Variants in CTNND2 observed in about 807,000 individuals in gnomAD.
CTNND2 encodes the protein catenin delta-2.
Under a neutral mutation model 144.4 loss-of-function variants are expected in CTNND2, and 22 were observed. That is an observed-to-expected ratio of 0.15 (90% CI 0.11 to 0.22). CTNND2 has a LOEUF of 0.22. Among genes scored for constraint, CTNND2 ranks in the 10% least tolerant of loss-of-function variants. CTNND2 has a pLI of 1.00. For missense variants in CTNND2, 1,353 were observed against 1,618.8 expected (o/e 0.84, Z 2.82); for synonymous variants, 751 against 695.6 (o/e 1.08, Z -1.25).
intron 2 of CTNND2, among the ~76,000 whole-genome samples, chr5:11,689,329 AATG>A (rs1346906569): frequency 6.6e-6 from 1 of 152,238 alleles, no homozygotes; most frequent in Non-Finnish European, 1.5e-5. Context: ...GAGTATTAAA[AATG>A]ATGAACTGTT....
At chr5:11,322,938 T>C (rs1463408250) in intron 9 of CTNND2, among the ~76,000 whole-genome samples, 3 of 152,106 alleles carry the variant, frequency 2.0e-5, no homozygotes, top group Admixed American at 6.5e-5. Context: ...AAAAGTAACA[T>C]GGTCTTTAGT....
At chr5:11,693,770 G>T (rs1785014122) in intron 2 of CTNND2, among the ~76,000 whole-genome samples, 1 of 152,166 alleles carries the variant, frequency 6.6e-6, no homozygotes, top group Non-Finnish European at 1.5e-5. Context: ...ATTGATTCTT[G>T]TTATGTGTGA....
intron 2 of CTNND2, among the ~76,000 whole-genome samples, chr5:11,707,163 G>A (rs910039868): frequency 1.3e-5 from 2 of 152,014 alleles, no homozygotes; most frequent in African/African-American, 2.4e-5. Context: ...CAGAAACACA[G>A]CACTTCTGAG....
chr5:11,217,247 T>C (rs186520519), intron 10 of CTNND2, among the ~76,000 whole-genome samples: 45 of 152,352 alleles, frequency 3.0e-4, no homozygotes, highest in African/African-American at 1.0e-3. Flanking sequence ...TCATTATAAC[T>C]AGCATCTTTT....
chr5:11,067,932 C>A (rs769982571), intron 16 of CTNND2, among the ~76,000 whole-genome samples: 6 of 152,050 alleles, frequency 3.9e-5, no homozygotes, highest in Non-Finnish European at 7.4e-5. Flanking sequence ...GTATTTGCAA[C>A]AATTTAAGCT....
chr5:11,240,880 CCA>C (rs533331955), intron 9 of CTNND2, among the ~76,000 whole-genome samples: 3 of 141,094 alleles, frequency 2.1e-5, no homozygotes, highest in African/African-American at 7.9e-5. Flanking sequence ...ACACCCCAAC[CCA>C]CACACACCCA....
intron 11 of CTNND2, among the ~76,000 whole-genome samples, chr5:11,181,007 T>A (rs1357108861): frequency 6.6e-6 from 1 of 151,936 alleles, no homozygotes; most frequent in Admixed American, 6.6e-5. Context: ...GCACTTGAGG[T>A]CTGGGATGTG....
intron 16 of CTNND2, among the ~76,000 whole-genome samples, chr5:11,075,644 C>T (rs947492670): frequency 2.6e-5 from 4 of 152,222 alleles, no homozygotes; most frequent in Admixed American, 1.3e-4. Flanking sequence ...TGCCACCACC[C>T]GGGGCAGCCA....
intron 9 of CTNND2, among the ~76,000 whole-genome samples, chr5:11,334,628 G>A (rs1478127415): frequency 2.6e-5 from 4 of 152,132 alleles, no homozygotes; most frequent in African/African-American, 4.8e-5. Flanking sequence ...TCTGAATTCC[G>A]AAAATGTTGG....
At chr5:11,806,885 G>A (rs1792033874) in intron 1 of CTNND2, among the ~76,000 whole-genome samples, 1 of 151,992 alleles carries the variant, frequency 6.6e-6, no homozygotes, top group Non-Finnish European at 1.5e-5. Context: ...CAAAACCATG[G>A]GCAGGGTTGA....
intron 9 of CTNND2, among the ~76,000 whole-genome samples, chr5:11,321,164 G>C (rs1483773264): frequency 6.6e-6 from 1 of 152,148 alleles, no homozygotes; most frequent in Non-Finnish European, 1.5e-5. Context: ...AATTAAAACA[G>C]TTTAAGTGAT....
intron 2 of CTNND2, among the ~76,000 whole-genome samples, chr5:11,711,998 T>C (rs1786060299): frequency 1.3e-5 from 2 of 152,204 alleles, no homozygotes; most frequent in African/African-American, 4.8e-5. Flanking sequence ...CTTCTAGTCT[T>C]GGATTGGGAG....
intron 3 of CTNND2, among the ~76,000 whole-genome samples, chr5:11,431,833 G>A (rs31815): frequency 0.047 from 7,202 of 152,076 alleles, 542 homozygotes; most frequent in African/African-American, 0.16. Context: ...TTGTTAAAGC[G>A]GCTAAGGTTT....
At chr5:11,463,980 T>G (rs1766445954) in intron 3 of CTNND2, among the ~76,000 whole-genome samples, 1 of 152,224 alleles carries the variant, frequency 6.6e-6, no homozygotes, top group South Asian at 2.1e-4. Flanking sequence ...CAAAGCAATT[T>G]TAATTGATTA....
At chr5:11,324,959 T>TTC (rs1171363827) in intron 9 of CTNND2, among the ~76,000 whole-genome samples, 2 of 151,852 alleles carry the variant, frequency 1.3e-5, no homozygotes, top group Non-Finnish European at 2.9e-5. Context: ...CCTTTTTTTT[T>TTC]TTTTGTCTAA....
rs113049878 is a variant in CTNND2 at position 11,382,647 on chromosome 5, A to G, written c.1177+2018T>C. ...TGTGTGTGTGTGTGTGTGTGTGTGT[A>G]GAATGATGAATTAGTGAAAGTCACT... On this transcript the variant is annotated intron_variant, in intron 7 of 21. Transcript: ENST00000304623. Among the ~76,000 whole-genome samples, 998 of 131,000 alleles carry G rather than the reference A, an allele frequency of 7.6e-3. 13 individuals are homozygous for G. The highest frequency in any genetic ancestry group is 0.028 in the African/African-American group (882 of 31,314). The allele number at this position is 131,000 out of a possible 152,430, so 85.9% of individuals were successfully genotyped here. A position where few individuals can be genotyped will look rare whatever the true frequency, so the allele number is the denominator to read the frequency against.
At chr5:11,541,992 A>G (rs1774802800) in intron 3 of CTNND2, among the ~76,000 whole-genome samples, 1 of 152,022 alleles carries the variant, frequency 6.6e-6, no homozygotes, top group Non-Finnish European at 1.5e-5. Context: ...TGTCCTCCCC[A>G]ATTAAAAAAA....
chr5:11,608,334 C>T (rs905112942), intron 2 of CTNND2, among the ~76,000 whole-genome samples: 2 of 152,160 alleles, frequency 1.3e-5, no homozygotes, highest in Admixed American at 6.5e-5. Context: ...TTAATCTAGG[C>T]AATTGCCTAC....
chr5:11,195,843 A>T (rs767434863), intron 11 of CTNND2, among the ~76,000 whole-genome samples: 14 of 152,182 alleles, frequency 9.2e-5, no homozygotes, highest in Admixed American at 2.6e-4. Context: ...ATCAAAGTTT[A>T]TTTGCTTCGG....
Sources: gnomAD v4.1 joint callset for allele counts (sites outside exome capture counted in the v4.1 genomes callset) on GRCh38, gnomAD v4.1.1 for gene constraint, MANE v1.5 for transcripts, NCBI Gene and HGNC (gene_info 2026-07-23, HGNC 2026-07-21) for gene names.